FUT8: variants seen among roughly 807,000 people sequenced by gnomAD.
FUT8 encodes the protein alpha-(1,6)-fucosyltransferase.
In FUT8, 29 loss-of-function variants were observed where a neutral mutation model predicts 71.3. The observed-to-expected ratio is 0.41, with a 90% CI of 0.30 to 0.55. The LOEUF is 0.55. FUT8 is among the 20% of genes least tolerant of loss of function. The pLI, the probability that FUT8 is intolerant of heterozygous loss-of-function variation, is 0.34. For synonymous variants in FUT8, 254 were observed against 239.3 expected (o/e 1.06, Z -0.57); for missense variants, 544 against 702.1 (o/e 0.77, Z 2.55).
chr14:65,374,172 GCT>G, the FUT8 span, among the ~76,000 whole-genome samples: 2 of 151,970 alleles, frequency 1.3e-5, no homozygotes, highest in African/African-American at 2.4e-5. Context: ...TTTGTCTAAT[GCT>G]CTGTTTGTCT....
chr14:65,706,827 A>G (rs573347383), intron 7 of FUT8, among the ~76,000 whole-genome samples: 9 of 152,318 alleles, frequency 5.9e-5, no homozygotes, highest in African/African-American at 2.2e-4. Flanking sequence ...GAAAATAAAA[A>G]TTCAGACCAT....
At chr14:65,592,419 G>A (rs914848826) in intron 3 of FUT8, among the ~76,000 whole-genome samples, 1 of 151,964 alleles carries the variant, frequency 6.6e-6, no homozygotes, top group Non-Finnish European at 1.5e-5. Context: ...GGTGAGGTCT[G>A]CTTGCTAGCT....
At chr14:65,654,519 A>T (rs1891567612) in intron 6 of FUT8, among the ~76,000 whole-genome samples, 1 of 151,846 alleles carries the variant, frequency 6.6e-6, no homozygotes, top group Non-Finnish European at 1.5e-5. Context: ...TGAACCTGGG[A>T]GGCGGAGGTT....
the FUT8 span, among the ~76,000 whole-genome samples, chr14:65,394,017 C>T: frequency 3.9e-5 from 6 of 152,228 alleles, no homozygotes; most frequent in East Asian, 5.8e-4. Context: ...AGTGCAATGG[C>T]GCAATCTTGG....
the FUT8 span, among the ~76,000 whole-genome samples, chr14:65,370,309 G>C: frequency 7.1e-6 from 1 of 140,936 alleles, no homozygotes. Flanking sequence ...CCGGGTTCAC[G>C]CCATTCTCCC....
At chr14:65,741,287 T>C (rs549242585) in intron 10 of FUT8, among the ~76,000 whole-genome samples, 2 of 151,956 alleles carry the variant, frequency 1.3e-5, no homozygotes, top group Non-Finnish European at 2.9e-5. Flanking sequence ...CTTGCCCAGT[T>C]TATGTCATCC....
intron 3 of FUT8, among the ~76,000 whole-genome samples, chr14:65,586,013 C>T (rs1262968738): frequency 2.0e-5 from 3 of 151,840 alleles, no homozygotes; most frequent in African/African-American, 7.3e-5. Flanking sequence ...ATATGGATAA[C>T]CAGTAAAGAT....
chr14:65,425,306 A>C (rs11629368), intron 1 of FUT8, among the ~76,000 whole-genome samples: 127,815 of 151,504 alleles, frequency 0.84, 54,051 homozygotes, highest in East Asian at 1. Context: ...GCTGGGATTA[A>C]AGGCATGCAC....
intron 2 of FUT8, among the ~76,000 whole-genome samples, chr14:65,492,459 T>C (rs968412347): frequency 6.6e-6 from 1 of 152,206 alleles, no homozygotes; most frequent in Non-Finnish European, 1.5e-5. Flanking sequence ...CCAGTCCAGC[T>C]GTTTTTGTAC....
intron 2 of FUT8, among the ~76,000 whole-genome samples, chr14:65,481,202 A>T (rs1001849946): frequency 6.6e-6 from 1 of 152,110 alleles, no homozygotes; most frequent in Non-Finnish European, 1.5e-5. Context: ...TTTTGAAATG[A>T]TAAGTGATGT....
chr14:65,387,810 T>C, the FUT8 span, among the ~76,000 whole-genome samples: 6 of 152,220 alleles, frequency 3.9e-5, no homozygotes, highest in Non-Finnish European at 8.8e-5. Context: ...CTGTTTTGTA[T>C]ATTTTATCTC....
At chr14:65,622,992 G>A (rs1302759646) in intron 5 of FUT8, among the ~76,000 whole-genome samples, 2 of 145,840 alleles carry the variant, frequency 1.4e-5, no homozygotes, top group African/African-American at 5.1e-5. Flanking sequence ...CTGGGCTAAA[G>A]TGATCCTCCT....
At chr14:65,502,315 C>G (rs1423843619) in intron 2 of FUT8, among the ~76,000 whole-genome samples, 1 of 151,944 alleles carries the variant, frequency 6.6e-6, no homozygotes. Flanking sequence ...ATCTCCACCC[C>G]CCAGGTTCAA....
At chr14:65,420,546 TA>T (rs2065277857) in intron 1 of FUT8, among the ~76,000 whole-genome samples, 1 of 152,042 alleles carries the variant, frequency 6.6e-6, no homozygotes, top group Non-Finnish European at 1.5e-5. Flanking sequence ...TATATCAGTA[TA>T]GTACCTATCG....
In FUT8 at chr14:65,413,391, T is replaced by G. The variant is rs534152391; in HGVS notation, c.-326+177T>G. On this transcript the variant is annotated intron_variant, in intron 1 of 10. Coordinates refer to ENST00000673929, the MANE Select transcript of FUT8 (RefSeq NM_001371533.1). The surrounding 1 kb of genome is among the most constrained non-coding windows in gnomAD (Gnocchi z 4.1). Reference sequence around the variant, plus strand: ...AGTGGGGAGGGAGCCCCCGGGACGCTCTGGCGGATGCCTTGGCGCAGCCCC... The same window carrying G: ...AGTGGGGAGGGAGCCCCCGGGACGCGCTGGCGGATGCCTTGGCGCAGCCCC... 5.9e-5 allele frequency among the ~76,000 whole-genome samples: 9 copies of G among 152,186 alleles called. No individual in the cohort carries two copies. The highest frequency in any genetic ancestry group is 2.2e-4 in the African/African-American group (9 of 41,518).
intron 3 of FUT8, among the ~76,000 whole-genome samples, chr14:65,598,626 T>C (rs1888129853): frequency 6.6e-6 from 1 of 152,220 alleles, no homozygotes; most frequent in South Asian, 2.1e-4. Flanking sequence ...TAGAGATCTT[T>C]TTCTCATTTC....
Position 65,451,147 on chromosome 14 carries a change from C to T in FUT8, c.-325-4474C>T, listed in dbSNP as rs117237800. Among the ~76,000 whole-genome samples the T allele has an allele frequency of 6.1e-3, 930 of 152,338 alleles. 10 individuals carry two copies. The highest frequency in any genetic ancestry group is 0.034 in the East Asian group (177 of 5,176). On this transcript the variant is annotated intron_variant, in intron 1 of 10. Transcript: ENST00000673929. ...CTGGGATTACAGGCATGAGCCACTGCGCCTTGCCCCAGCCCACCACTCTTA... is the reference window on the plus strand; with the variant it reads ...CTGGGATTACAGGCATGAGCCACTGTGCCTTGCCCCAGCCCACCACTCTTA...
intron 7 of FUT8, among the ~76,000 whole-genome samples, chr14:65,698,147 G>A (rs1894091687): frequency 6.6e-6 from 1 of 152,150 alleles, no homozygotes; most frequent in Non-Finnish European, 1.5e-5. Context: ...AATTCTGAAT[G>A]GAGGGACAGA....
In FUT8 at chr14:65,729,858, T is replaced by C. The variant is rs536972574; in HGVS notation, c.1260-3373T>C. 3.8e-3 allele frequency among the ~76,000 whole-genome samples: 585 copies of C among 152,328 alleles called. 5 individuals are homozygous for C. The highest frequency in any genetic ancestry group is 0.014 in the African/African-American group (564 of 41,574). ...AGTGGTAGTCCAGGCAGCAATTTTCTCCATATTCTGTTATAAATATAGTAG... is the reference window on the plus strand; with the variant it reads ...AGTGGTAGTCCAGGCAGCAATTTTCCCCATATTCTGTTATAAATATAGTAG... On this transcript the variant is annotated intron_variant, in intron 9 of 10. Coordinates refer to ENST00000673929, the MANE Select transcript of FUT8 (RefSeq NM_001371533.1).
Sources: allele counts gnomAD v4.1 joint callset (sites outside exome capture counted in the v4.1 genomes callset), GRCh38; gene constraint gnomAD v4.1.1; non-coding constraint Gnocchi (gnomAD v3.1); transcripts MANE v1.5; gene names NCBI Gene and HGNC (gene_info 2026-07-23, HGNC 2026-07-21).